The following PCDH15 variants were observed in gnomAD, a reference collection of about 807,000 sequenced individuals.
PCDH15 encodes protocadherin related 15.
Under a neutral mutation model 178.5 loss-of-function variants are expected in PCDH15, and 129 were observed. That is an observed-to-expected ratio of 0.72 (90% CI 0.63 to 0.84). The LOEUF is 0.84. PCDH15 is among the 40% of genes least tolerant of loss of function. The pLI is 0.00. For synonymous variants in PCDH15, 800 were observed against 732.0 expected (o/e 1.09, Z -1.50); for missense variants, 2,230 against 2,099.9 (o/e 1.06, Z -1.21).
chr10:55,256,925 C>T (rs1440807116), intron 1 of PCDH15, among the ~76,000 whole-genome samples: 5 of 152,202 alleles, frequency 3.3e-5, no homozygotes, highest in South Asian at 4.1e-4. Context: ...CAGACTGCCT[C>T]CTCAAGTGGG....
intron 3 of PCDH15, among the ~76,000 whole-genome samples, chr10:54,863,170 A>T (rs981125318): frequency 8.5e-5 from 13 of 152,146 alleles, no homozygotes; most frequent in African/African-American, 2.9e-4. Flanking sequence ...TAATTTTACG[A>T]TGGTAGCATT....
intron 29 of PCDH15, among the ~76,000 whole-genome samples, chr10:53,834,199 G>A (rs957700800): frequency 1.1e-4 from 16 of 152,140 alleles, no homozygotes; most frequent in African/African-American, 3.9e-4. Context: ...GTGTAGGAAA[G>A]GGACAATTCT....
intron 3 of PCDH15, among the ~76,000 whole-genome samples, chr10:54,425,760 T>G (rs1956199903): frequency 6.6e-6 from 1 of 152,190 alleles, no homozygotes; most frequent in Non-Finnish European, 1.5e-5. Flanking sequence ...ATGACCTTTC[T>G]TTCTGGTTAC....
chr10:54,599,681 C>T, intron 2 of PCDH15: 1 of 428,884 alleles, frequency 2.3e-6, no homozygotes, highest in Non-Finnish European at 4.5e-6. Context: ...GTACACTAGT[C>T]TCCAGTGAAA....
At chr10:54,013,599 A>C (rs1013405831) in intron 20 of PCDH15, among the ~76,000 whole-genome samples, 1 of 152,208 alleles carries the variant, frequency 6.6e-6, no homozygotes, top group African/African-American at 2.4e-5. Flanking sequence ...ATCAATACTA[A>C]GAAAAACATT....
intron 8 of PCDH15, among the ~76,000 whole-genome samples, chr10:54,273,094 C>A (rs2058141739): frequency 1.3e-5 from 2 of 151,614 alleles, no homozygotes; most frequent in Admixed American, 6.6e-5. Flanking sequence ...GTTTTCTGAC[C>A]CAAATGTGAG....
intron 10 of PCDH15, among the ~76,000 whole-genome samples, chr10:54,211,061 A>G (rs773148510): frequency 6.6e-6 from 1 of 152,142 alleles, no homozygotes; most frequent in Non-Finnish European, 1.5e-5. Context: ...AACTAATAAT[A>G]CTTGAAAATA....
chr10:54,877,397 A>AT (rs1035862777), intron 3 of PCDH15, among the ~76,000 whole-genome samples: 4 of 152,136 alleles, frequency 2.6e-5, no homozygotes, highest in African/African-American at 9.6e-5. Flanking sequence ...CAATTATCTA[A>AT]TTTTCACAAT....
chr10:55,218,341 G>A (rs1171339835), intron 1 of PCDH15, among the ~76,000 whole-genome samples: 1 of 151,832 alleles, frequency 6.6e-6, no homozygotes, highest in Non-Finnish European at 1.5e-5. Flanking sequence ...ACGAGTTAAC[G>A]AAATAATAGG....
At chr10:54,941,817 C>T (rs183533965) in intron 2 of PCDH15, among the ~76,000 whole-genome samples, 3 of 152,102 alleles carry the variant, frequency 2.0e-5, no homozygotes, top group Admixed American at 2.0e-4. Flanking sequence ...TCTATTTCCC[C>T]CCCGTATTGT....
chr10:55,232,559 A>G (rs1292268844), intron 1 of PCDH15, among the ~76,000 whole-genome samples: 4 of 152,242 alleles, frequency 2.6e-5, no homozygotes, highest in South Asian at 2.1e-4. Context: ...GCTGAACCCA[A>G]TAACTTGCTT....
intron 8 of PCDH15, among the ~76,000 whole-genome samples, chr10:54,312,504 A>T (rs746114675): frequency 1.1e-4 from 17 of 152,080 alleles, no homozygotes; most frequent in Non-Finnish European, 1.9e-4. Flanking sequence ...AACAGAACTG[A>T]CCCTTCAAAT....
At chr10:54,144,960 C>T (rs113360827) in intron 14 of PCDH15, among the ~76,000 whole-genome samples, 4,194 of 152,106 alleles carry the variant, frequency 0.028, 185 homozygotes, top group African/African-American at 0.095. Context: ...TTTTACTTAT[C>T]TATGTGTGAA....
chr10:54,256,130 A>G (rs954902525), intron 8 of PCDH15, among the ~76,000 whole-genome samples: 2 of 152,150 alleles, frequency 1.3e-5, no homozygotes, highest in African/African-American at 2.4e-5. Context: ...CACTGCCACA[A>G]TAAACCACTT....
intron 2 of PCDH15, among the ~76,000 whole-genome samples, chr10:55,554,501 G>C (rs1842053562): frequency 6.6e-6 from 1 of 151,968 alleles, no homozygotes; most frequent in Non-Finnish European, 1.5e-5. Context: ...CATTATTACA[G>C]TTGAACTTTC....
At chr10:53,977,727 T>C (rs2090301465) in intron 21 of PCDH15, among the ~76,000 whole-genome samples, 1 of 152,206 alleles carries the variant, frequency 6.6e-6, no homozygotes, top group African/African-American at 2.4e-5. Flanking sequence ...AGCAAGTACC[T>C]TCTGCTTATG....
Position 55,329,002 on chromosome 10 carries a change from C to CGTGTGTGT in PCDH15, c.-155-162359_-155-162352dup, listed in dbSNP as rs34920648. On this transcript the variant is annotated intron_variant, in intron 2 of 5. Transcript: ENST00000613346. Reference sequence around the variant, plus strand: ...AACATTTGGAAATATATTCCATTTTCGTGTGTGTGTGTGTGTGTGTGTGTT... The same window carrying CGTGTGTGT: ...AACATTTGGAAATATATTCCATTTTCGTGTGTGTGTGTGTGTGTGTGTGTGTGTGTGTT... 8.4e-5 allele frequency among the ~76,000 whole-genome samples: 11 copies of CGTGTGTGT among 131,120 alleles called. No individual in the cohort carries two copies. In the South Asian group the frequency reaches 2.0e-3, roughly 24 times the overall value. The allele number at this position is 131,120 out of a possible 152,430, so 86.0% of individuals were successfully genotyped here.
chr10:54,577,097 T>A (rs548744062), intron 2 of PCDH15, among the ~76,000 whole-genome samples: 2,213 of 152,076 alleles, frequency 0.015, 54 homozygotes, highest in African/African-American at 0.051. Flanking sequence ...ATTTCTTTTT[T>A]TTTTTTGAGA....
chr10:53,901,082 C>T (rs934409619), intron 26 of PCDH15, among the ~76,000 whole-genome samples: 2 of 152,068 alleles, frequency 1.3e-5, no homozygotes, highest in African/African-American at 4.8e-5. Flanking sequence ...CCTGTCACCT[C>T]ATGGCAGCAA....
Sources: gnomAD v4.1 joint callset for allele counts (sites outside exome capture counted in the v4.1 genomes callset) on GRCh38, gnomAD v4.1.1 for gene constraint, MANE v1.5 for transcripts, NCBI Gene and HGNC (gene_info 2026-07-23, HGNC 2026-07-21) for gene names.